The following CDH12 variants were observed in gnomAD, a reference collection of about 807,000 sequenced individuals.
CDH12 encodes cadherin-12.
A neutral mutation model predicts 74.1 loss-of-function variants in CDH12; 41 were observed. The observed-to-expected ratio is 0.55, with a 90% CI of 0.43 to 0.72. The LOEUF (loss-of-function observed/expected upper bound fraction) is 0.72, where lower values mean the gene tolerates loss of function less well. Among genes scored for constraint, CDH12 ranks in the 30% least tolerant of loss-of-function variants. The probability of loss-of-function intolerance (pLI) is 0.00; values close to 1 mark genes in which losing one functional copy is unlikely to be tolerated. For synonymous variants in CDH12, 399 were observed against 355.0 expected (o/e 1.12, Z -1.39); for missense variants, 945 against 977.2 (o/e 0.97, Z 0.44).
At chr5:22,600,353 T>C (rs1736799376) in intron 1 of CDH12, among the ~76,000 whole-genome samples, 1 of 152,182 alleles carries the variant, frequency 6.6e-6, no homozygotes, top group African/African-American at 2.4e-5. Flanking sequence ...GTAACTACTG[T>C]ACTAAATTCC....
chr5:21,842,565 G>A (rs1343160532), intron 7 of CDH12, among the ~76,000 whole-genome samples: 1 of 151,978 alleles, frequency 6.6e-6, no homozygotes, highest in Non-Finnish European at 1.5e-5. Flanking sequence ...TATGGTTAAA[G>A]AACAATGTAT....
chr5:22,360,469 G>T (rs552708453), intron 3 of CDH12, among the ~76,000 whole-genome samples: 20 of 152,284 alleles, frequency 1.3e-4, no homozygotes, highest in African/African-American at 4.8e-4. Context: ...TCCAGGAACA[G>T]ACGGATTCAC....
At chr5:22,845,703 A>T (rs188284827) in intron 1 of CDH12, among the ~76,000 whole-genome samples, 51 of 152,244 alleles carry the variant, frequency 3.3e-4, no homozygotes, top group African/African-American at 1.2e-3. Context: ...TACATGAAAC[A>T]AAGGGGGATG....
At chr5:21,880,671 C>CTTTCTTTCTTTCT (rs1752291971) in intron 6 of CDH12, among the ~76,000 whole-genome samples, 2 of 120,216 alleles carry the variant, frequency 1.7e-5, no homozygotes, top group Non-Finnish European at 3.5e-5. Flanking sequence ...TTCTTTCTTT[C>CTTTCTTTCTTTCT]TTTCTTTCTT....
intron 1 of CDH12, among the ~76,000 whole-genome samples, chr5:22,661,449 T>C (rs993656234): frequency 1.3e-5 from 2 of 152,220 alleles, no homozygotes; most frequent in African/African-American, 4.8e-5. Flanking sequence ...ACATATTCTT[T>C]CTGCGTACAG....
Position 21,755,580 on chromosome 5 carries a change from T to C in CDH12, c.1885+11A>G, listed in dbSNP as rs752208284. 4 of 1,608,884 alleles carry C rather than the reference T, an allele frequency of 2.5e-6. No individual in the cohort carries two copies. Among genetic ancestry groups the C allele is most frequent in the Non-Finnish European group, 3.4e-6 (4 of 1,176,028 alleles). ...GAGAAAAAATTAACAATGATTAATATTGAAACCAACCTAAGAGTATAACAA... is the reference window on the plus strand; with the variant it reads ...GAGAAAAAATTAACAATGATTAATACTGAAACCAACCTAAGAGTATAACAA... On this transcript the variant is annotated intron_variant, in intron 14 of 14. Transcript: ENST00000382254.
At chr5:21,773,564 G>T (rs188945234) in intron 11 of CDH12, among the ~76,000 whole-genome samples, 1 of 152,290 alleles carries the variant, frequency 6.6e-6, no homozygotes, top group Non-Finnish European at 1.5e-5. Flanking sequence ...TTCAGCCACA[G>T]ACTGAACGCT....
intron 3 of CDH12, among the ~76,000 whole-genome samples, chr5:22,335,629 T>C (rs531066396): frequency 1.3e-5 from 2 of 151,286 alleles, no homozygotes; most frequent in East Asian, 1.9e-4. Context: ...GGAGTTTCCC[T>C]GCACAATCTC....
At chr5:22,804,659 G>T (rs967766922) in intron 1 of CDH12, among the ~76,000 whole-genome samples, 3 of 152,118 alleles carry the variant, frequency 2.0e-5, no homozygotes, top group Non-Finnish European at 2.9e-5. Context: ...CATTATCAAT[G>T]GTAATCTTCT....
intron 8 of CDH12, among the ~76,000 whole-genome samples, chr5:21,828,242 C>T (rs1182188743): frequency 2.6e-5 from 4 of 152,088 alleles, no homozygotes; most frequent in Non-Finnish European, 5.9e-5. Flanking sequence ...CCTGTCTCAG[C>T]CTCCCAAGTA....
intron 4 of CDH12, among the ~76,000 whole-genome samples, chr5:22,128,505 A>G (rs888501504): frequency 6.6e-5 from 10 of 152,044 alleles, no homozygotes; most frequent in Non-Finnish European, 1.5e-4. Context: ...CACTTCTTCT[A>G]TTTCACACAA....
chr5:22,816,204 T>C (rs1749386057), intron 1 of CDH12, among the ~76,000 whole-genome samples: 1 of 152,164 alleles, frequency 6.6e-6, no homozygotes, highest in Non-Finnish European at 1.5e-5. Flanking sequence ...ATTATAAAAC[T>C]TGAACGAGGT....
chr5:22,511,905 A>G (rs1232537685), intron 1 of CDH12, among the ~76,000 whole-genome samples: 1 of 151,708 alleles, frequency 6.6e-6, no homozygotes, highest in Non-Finnish European at 1.5e-5. Context: ...TGGTCTTATA[A>G]CTCATTGGAA....
intron 5 of CDH12, among the ~76,000 whole-genome samples, chr5:22,064,823 G>T (rs1415454142): frequency 6.6e-6 from 1 of 152,098 alleles, no homozygotes; most frequent in African/African-American, 2.4e-5. Context: ...CCCTGAAAAA[G>T]ACCCTTATGT....
At position 22,738,010 on chromosome 5, in the gene CDH12, T is replaced by C. The variant is rs555660459; in HGVS notation, c.-523+115048A>G. ...GATTATCTGGGAAGAAGTGGCACAG[T>C]TCCTGGAGGGTCTGAAAATTGTACA... is the stretch of plus-strand genomic sequence containing the variant. On this transcript the variant is annotated intron_variant, in intron 1 of 14. Coordinates refer to ENST00000382254, the MANE Select transcript of CDH12 (RefSeq NM_004061.5). Among the ~76,000 whole-genome samples, 4 of 152,108 alleles carry C rather than the reference T, an allele frequency of 2.6e-5. No individual in the cohort carries two copies. In the East Asian group the frequency reaches 7.7e-4, roughly 29 times the overall value.
At chr5:22,509,539 T>C (rs1350785575) in intron 1 of CDH12, among the ~76,000 whole-genome samples, 1 of 152,068 alleles carries the variant, frequency 6.6e-6, no homozygotes, top group East Asian at 1.9e-4. Flanking sequence ...TCCAGGAAAT[T>C]TTCACAGAAA....
intron 6 of CDH12, among the ~76,000 whole-genome samples, chr5:21,887,980 T>A (rs1175198083): frequency 6.6e-6 from 1 of 152,048 alleles, no homozygotes; most frequent in African/African-American, 2.4e-5. Flanking sequence ...AACGAGCCAG[T>A]TCAGTAAGCA....
At chr5:22,479,062 G>C (rs1283862947) in intron 2 of CDH12, among the ~76,000 whole-genome samples, 1 of 152,144 alleles carries the variant, frequency 6.6e-6, no homozygotes, top group African/African-American at 2.4e-5. Context: ...CAAAAGAAAA[G>C]CAACGGTTTG....
intron 1 of CDH12, among the ~76,000 whole-genome samples, chr5:22,713,874 T>A (rs1237096822): frequency 1.3e-5 from 2 of 152,200 alleles, no homozygotes; most frequent in Non-Finnish European, 2.9e-5. Context: ...GAAAATCTAA[T>A]GCTATTACCA....
Sources: allele counts gnomAD v4.1 joint callset (sites outside exome capture counted in the v4.1 genomes callset), GRCh38; gene constraint gnomAD v4.1.1; transcripts MANE v1.5; gene names NCBI Gene and HGNC (gene_info 2026-07-23, HGNC 2026-07-21).